Variants in PUM2 observed in about 807,000 individuals in gnomAD.
PUM2 encodes pumilio homolog 2.
PUM2 carries 57 observed loss-of-function variants against 124.5 expected under a neutral mutation model. The observed-to-expected ratio is 0.46, with a 90% CI of 0.37 to 0.57. The LOEUF is 0.57. PUM2 is among the 20% of genes least tolerant of loss of function. PUM2 has a pLI of 0.00. For synonymous variants in PUM2, 460 were observed against 446.1 expected, an observed-to-expected ratio of 1.03 and a Z score of -0.39; for missense variants, 1,065 against 1,290.6, an observed-to-expected ratio of 0.83 and a Z score of 2.68.
At chr2:20,326,174 AT>A in intron 2 of PUM2, 1 of 1,132,118 alleles carries the variant, frequency 8.8e-7, no homozygotes, top group Non-Finnish European at 1.1e-6. Flanking sequence ...AATTTCTTCA[AT>A]TTTTCTTAGG....
At chr2:20,278,540 C>G in intron 13 of PUM2, 43 bp downstream of exon 13, 1 of 1,446,830 alleles carries the variant, frequency 6.9e-7, no homozygotes, top group Non-Finnish European at 9.7e-7. Context: ...AACACACATA[C>G]ATGTATACAT....
chr2:20,293,263 G>A (rs1674670655), intron 9 of PUM2, among the ~76,000 whole-genome samples: 1 of 152,322 alleles, frequency 6.6e-6, no homozygotes, highest in Admixed American at 6.5e-5. Flanking sequence ...TTCTCTGTAA[G>A]TAAGCATCAA....
intron 1 of PUM2, among the ~76,000 whole-genome samples, chr2:20,332,282 A>AGAGTGTGTGTGTGTGTGTGT (rs1346037244): frequency 6.9e-6 from 1 of 145,372 alleles, no homozygotes. Flanking sequence ...ATACTACTAG[A>AGAGTGTGTGTGTGTGTGTGT]GTGTGTGTGT....
At chr2:20,333,939 CCT>C (rs1056271505) in intron 1 of PUM2, among the ~76,000 whole-genome samples, 4 of 152,060 alleles carry the variant, frequency 2.6e-5, no homozygotes, top group African/African-American at 9.7e-5. Context: ...AACACCTTCC[CCT>C]CTCTTCCTCC....
chr2:20,322,569 G>C (rs1336061374), intron 2 of PUM2, among the ~76,000 whole-genome samples: 2 of 152,140 alleles, frequency 1.3e-5, no homozygotes, highest in African/African-American at 4.8e-5. Flanking sequence ...ATAATTAGCT[G>C]AGGCAGGCAG....
chr2:20,322,361 T>C (rs146075713), intron 2 of PUM2, among the ~76,000 whole-genome samples: 22 of 152,146 alleles, frequency 1.4e-4, no homozygotes, highest in African/African-American at 4.1e-4. Flanking sequence ...GGTGAGAAGA[T>C]AGTTTGAGCC....
intron 13 of PUM2, among the ~76,000 whole-genome samples, chr2:20,274,896 G>C: frequency 8.1e-6 from 1 of 123,278 alleles, no homozygotes; most frequent in Non-Finnish European, 1.6e-5. Context: ...GCTAGCTCCA[G>C]GTAGAAAAAT....
At chr2:20,305,996 G>A (rs1420352662) in intron 7 of PUM2, among the ~76,000 whole-genome samples, 1 of 152,124 alleles carries the variant, frequency 6.6e-6, no homozygotes, top group East Asian at 1.9e-4. Context: ...CGAGGTGGGT[G>A]GATCACTTGA....
chr2:20,251,795 G>A, intron 20 of PUM2, 79 bp from the exon 21 acceptor site: 1 of 1,503,340 alleles, frequency 6.7e-7, no homozygotes, highest in Non-Finnish European at 9.1e-7. Flanking sequence ...CCAATTCTGG[G>A]TAATTTAGAG....
chr2:20,284,431 C>A (rs1672254171), intron 10 of PUM2, among the ~76,000 whole-genome samples: 3 of 152,190 alleles, frequency 2.0e-5, no homozygotes. Context: ...TCATAGCTCA[C>A]TGCTGCCTCA....
At chr2:20,339,460 T>A (rs778365446) in intron 1 of PUM2, among the ~76,000 whole-genome samples, 4 of 152,216 alleles carry the variant, frequency 2.6e-5, no homozygotes, top group African/African-American at 9.6e-5. Flanking sequence ...TATAAAAGAA[T>A]GTACGTGTAC....
chr2:20,274,976 A>AAAAAAAAAAAAAAAAAAAATT (rs1572653682), intron 13 of PUM2, among the ~76,000 whole-genome samples: 1 of 148,004 alleles, frequency 6.8e-6, no homozygotes, highest in Non-Finnish European at 1.5e-5. Context: ...AAAAAAAAAG[A>AAAAAAAAAAAAAAAAAAAATT]TGCTTACTTC....
intron 13 of PUM2, among the ~76,000 whole-genome samples, chr2:20,268,144 C>T (rs1221786147): frequency 6.6e-6 from 1 of 152,136 alleles, no homozygotes; most frequent in Non-Finnish European, 1.5e-5. Flanking sequence ...TCTATGAGGC[C>T]TGTTTAAGAA....
intron 2 of PUM2, among the ~76,000 whole-genome samples, chr2:20,320,596 T>TC (rs1421285843): frequency 1.3e-5 from 2 of 150,650 alleles, no homozygotes; most frequent in Non-Finnish European, 3.0e-5. Flanking sequence ...AAACTCCATT[T>TC]TTTTAAAAAA....
intron 1 of PUM2, among the ~76,000 whole-genome samples, chr2:20,339,810 G>T (rs1314583819): frequency 6.6e-6 from 1 of 152,162 alleles, no homozygotes; most frequent in African/African-American, 2.4e-5. Context: ...AACCTGAAAG[G>T]CGGAGGTTAC....
intron 5 of PUM2, among the ~76,000 whole-genome samples, chr2:20,309,365 A>C (rs932930370): frequency 6.6e-6 from 1 of 152,020 alleles, no homozygotes; most frequent in Non-Finnish European, 1.5e-5. Flanking sequence ...ATCAGAAAGA[A>C]ATCGAAATGT....
chr2:20,326,236 C>A, intron 2 of PUM2: 1 of 1,295,474 alleles, frequency 7.7e-7, no homozygotes, highest in South Asian at 1.2e-5. Context: ...TTTGGCAATA[C>A]TTAAGCTTAA....
At chr2:20,315,318 A>C (rs967352196) in intron 3 of PUM2, among the ~76,000 whole-genome samples, 2 of 152,178 alleles carry the variant, frequency 1.3e-5, no homozygotes, top group Non-Finnish European at 2.9e-5. Flanking sequence ...CCTGATAATC[A>C]CAAGTAATGT....
At chr2:20,330,416 G>A (rs1684665232) in intron 1 of PUM2, among the ~76,000 whole-genome samples, 1 of 152,196 alleles carries the variant, frequency 6.6e-6, no homozygotes, top group Non-Finnish European at 1.5e-5. Flanking sequence ...TAGAGAGTTT[G>A]AACTTTCAGT....
Sources: gnomAD v4.1 joint callset for allele counts (sites outside exome capture counted in the v4.1 genomes callset) on GRCh38, gnomAD v4.1.1 for gene constraint, MANE v1.5 for transcripts, NCBI Gene and HGNC (gene_info 2026-07-23, HGNC 2026-07-21) for gene names.